SOX6: variants seen among roughly 807,000 people sequenced by gnomAD.
SOX6 encodes SRY-box transcription factor 6.
A neutral mutation model predicts 97.8 loss-of-function variants in SOX6; 11 were observed. That is an observed-to-expected ratio of 0.11 (90% CI 0.07 to 0.19). The LOEUF (loss-of-function observed/expected upper bound fraction) is 0.19, where lower values mean the gene tolerates loss of function less well. Ranked by LOEUF, SOX6 falls within the 10% of genes least tolerant of loss-of-function variation. The probability of loss-of-function intolerance (pLI) is 1.00; values close to 1 mark genes in which losing one functional copy is unlikely to be tolerated. For synonymous variants in SOX6, 360 were observed against 371.4 expected, an observed-to-expected ratio of 0.97 and a Z score of 0.35; for missense variants, 810 against 1,039.5, an observed-to-expected ratio of 0.78 and a Z score of 3.04.
chr11:16,049,048 T>C (rs1847615427), intron 11 of SOX6, among the ~76,000 whole-genome samples: 1 of 152,168 alleles, frequency 6.6e-6, no homozygotes, highest in Admixed American at 6.5e-5. Context: ...CATTTTTCTG[T>C]TTTAATCCTC....
At chr11:16,540,249 G>A (rs1861383126) in intron 4 of SOX6, among the ~76,000 whole-genome samples, 2 of 152,054 alleles carry the variant, frequency 1.3e-5, no homozygotes, top group African/African-American at 2.4e-5. Context: ...ATGCAGAAAA[G>A]GCCTTCGACG....
At chr11:16,322,541 G>A (rs1038891347) in intron 2 of SOX6, among the ~76,000 whole-genome samples, 5 of 152,126 alleles carry the variant, frequency 3.3e-5, no homozygotes, top group African/African-American at 1.2e-4. Flanking sequence ...CTAAACCAAT[G>A]TCCAATGATA....
At chr11:16,335,898 C>G (rs1314023368) in intron 2 of SOX6, among the ~76,000 whole-genome samples, 2 of 152,170 alleles carry the variant, frequency 1.3e-5, no homozygotes, top group African/African-American at 4.8e-5. Flanking sequence ...AATATCTCAG[C>G]ATGCCTACCA....
chr11:16,619,025 A>C (rs1848506164), intron 3 of SOX6, among the ~76,000 whole-genome samples: 1 of 151,996 alleles, frequency 6.6e-6, no homozygotes, highest in Non-Finnish European at 1.5e-5. Context: ...TATTGGTGTG[A>C]AAGTGTTAGT....
intron 3 of SOX6, among the ~76,000 whole-genome samples, chr11:16,646,674 T>A (rs1195997862): frequency 6.6e-6 from 1 of 152,158 alleles, no homozygotes; most frequent in Non-Finnish European, 1.5e-5. Context: ...TCTTATGCCT[T>A]TGCATCCTCA....
intron 2 of SOX6, among the ~76,000 whole-genome samples, chr11:16,319,293 CTCTT>C (rs1226874427): frequency 6.6e-6 from 1 of 152,136 alleles, no homozygotes; most frequent in Non-Finnish European, 1.5e-5. Flanking sequence ...TTACAGAAGT[CTCTT>C]TCTATTCCTT....
intron 9 of SOX6, among the ~76,000 whole-genome samples, chr11:16,058,878 G>C (rs371102285): frequency 6.6e-6 from 1 of 152,054 alleles, no homozygotes; most frequent in Non-Finnish European, 1.5e-5. Context: ...GGAGGAGGCA[G>C]GGATGGTAGT....
rs781703224 is a variant in SOX6 at position 15,970,625 on chromosome 11, C to T, written c.*2184G>A. The T allele has an allele frequency of 2.0e-5, 3 of 152,068 alleles. No homozygotes were observed. Among genetic ancestry groups the T allele is most frequent in the Non-Finnish European group, 3.0e-5 (2 of 67,628 alleles). 9.4% of individuals were successfully genotyped at this position (152,068 alleles called of 1,614,324 possible). On this transcript the variant is annotated 3_prime_UTR_variant, in exon 16 of 16. Transcript: ENST00000683767. Reference sequence around the variant, plus strand: ...TGTACAAAAACAAATTTCTAATCCCCAACCAACATGAATAACAAAGAGTTC... The same window carrying T: ...TGTACAAAAACAAATTTCTAATCCCTAACCAACATGAATAACAAAGAGTTC...
intron 3 of SOX6, among the ~76,000 whole-genome samples, chr11:16,238,053 C>T (rs1198992162): frequency 1.3e-5 from 2 of 151,754 alleles, no homozygotes; most frequent in African/African-American, 2.4e-5. Flanking sequence ...AAAATTAATT[C>T]CTCTTACTTT....
intron 2 of SOX6, among the ~76,000 whole-genome samples, chr11:16,729,988 T>C (rs1848336426): frequency 6.7e-6 from 1 of 149,944 alleles, no homozygotes; most frequent in African/African-American, 2.5e-5. Context: ...CATTACATAA[T>C]GGTAAAGGAA....
At chr11:16,074,615 C>A (rs1377769189) in intron 9 of SOX6, among the ~76,000 whole-genome samples, 1 of 152,026 alleles carries the variant, frequency 6.6e-6, no homozygotes, top group African/African-American at 2.4e-5. Flanking sequence ...TGCACAATAG[C>A]CACAAAATGA....
At chr11:16,636,099 C>T (rs1169742858) in intron 3 of SOX6, among the ~76,000 whole-genome samples, 1 of 152,194 alleles carries the variant, frequency 6.6e-6, no homozygotes, top group Non-Finnish European at 1.5e-5. Context: ...CCACCATCCT[C>T]CAGACTTCAG....
chr11:16,496,988 A>C (rs1468411952), intron 4 of SOX6, among the ~76,000 whole-genome samples: 1 of 152,200 alleles, frequency 6.6e-6, no homozygotes, highest in East Asian at 1.9e-4. Flanking sequence ...CCCAGCACAC[A>C]GCTGGAGATC....
intron 7 of SOX6, among the ~76,000 whole-genome samples, chr11:16,103,890 G>A (rs777039816): frequency 1.5e-4 from 23 of 151,790 alleles, no homozygotes; most frequent in Admixed American, 2.6e-4. Flanking sequence ...GGGGGATAGC[G>A]AGGTATAAAA....
In SOX6 at chr11:16,709,648, T is replaced by C. The variant is rs565843983; in HGVS notation, n.429+5182A>G. Among the ~76,000 whole-genome samples the C allele has an allele frequency of 2.0e-5, 3 of 152,322 alleles. No homozygotes were observed. The South Asian group carries it at 6.2e-4, about 32-fold the overall frequency. ...AGCCAAGCAGATGCCACTGCCATGC[T>C]TTCTGTACAACCTGCAGAACTGTGA... On this transcript the variant is annotated intron_variant and non_coding_transcript_variant, in intron 3 of 5. Coordinates refer to the SOX6 transcript ENST00000524520.
intron 6 of SOX6, among the ~76,000 whole-genome samples, chr11:16,114,758 A>T (rs1849307739): frequency 6.6e-6 from 1 of 152,158 alleles, no homozygotes; most frequent in African/African-American, 2.4e-5. Flanking sequence ...TCATTTGAAC[A>T]TGTATTTGGG....
At chr11:16,065,624 T>G (rs776932984) in intron 9 of SOX6, among the ~76,000 whole-genome samples, 1 of 152,130 alleles carries the variant, frequency 6.6e-6, no homozygotes, top group Admixed American at 6.6e-5. Flanking sequence ...AGTGAACTCA[T>G]TTTTAACAAA....
chr11:16,634,145 T>C (rs1848750152), intron 3 of SOX6, among the ~76,000 whole-genome samples: 1 of 151,186 alleles, frequency 6.6e-6, no homozygotes, highest in African/African-American at 2.4e-5. Context: ...TCATAATCAA[T>C]GAAAAAGTAG....
chr11:16,610,494 C>T lies in SOX6; in HGVS notation n.609+1587G>A, dbSNP rs1180085194. Among the ~76,000 whole-genome samples the T allele has an allele frequency of 1.3e-5, 2 of 152,186 alleles. No individual in the cohort carries two copies. Among genetic ancestry groups the T allele is most frequent in the African/African-American group, 2.4e-5 (1 of 41,450 alleles). On this transcript the variant is annotated intron_variant and non_coding_transcript_variant, in intron 4 of 5. Coordinates refer to the SOX6 transcript ENST00000524520. The surrounding 1 kb of genome is among the most constrained non-coding windows in gnomAD (Gnocchi z 4.4). ...GGAGGCAAGAAGGAAAAGAAGGAGA[C>T]ATTATCAAGATCTCTGGCGTCCACT...
Sources: gnomAD v4.1 joint callset for allele counts (sites outside exome capture counted in the v4.1 genomes callset) on GRCh38, gnomAD v4.1.1 for gene constraint, Gnocchi (gnomAD v3.1) non-coding constraint, MANE v1.5 for transcripts, NCBI Gene and HGNC (gene_info 2026-07-23, HGNC 2026-07-21) for gene names.